PNPLA7: variants seen among roughly 807,000 people sequenced by gnomAD.
PNPLA7 encodes patatin like domain 7, lysophospholipase.
Under a neutral mutation model 161.7 loss-of-function variants are expected in PNPLA7, and 153 were observed. The ratio of observed to expected loss-of-function variants is 0.95; its 90% CI spans 0.83 to 1.08. PNPLA7 has a LOEUF of 1.08. Among genes scored for constraint, PNPLA7 ranks in the 50% least tolerant of loss-of-function variants. PNPLA7 has a pLI of 0.00. For synonymous variants in PNPLA7, 809 were observed against 782.1 expected (o/e 1.03, Z -0.57); for missense variants, 1,739 against 1,856.6 (o/e 0.94, Z 1.16).
chr9:137,464,553 G>A (rs1158483402), intron 26 of PNPLA7, 97 bp from the exon 27 acceptor site: 12 of 1,137,846 alleles, frequency 1.1e-5, no homozygotes, highest in African/African-American at 4.6e-5. Flanking sequence ...TGAATGGAAC[G>A]GGGGTCCAGA....
At position 137,538,243 on chromosome 9, in the gene PNPLA7, G is replaced by A. The variant is rs1266171689; in HGVS notation, c.747+2399C>T. On this transcript the variant is annotated intron_variant, in intron 8 of 34. Coordinates refer to ENST00000406427, the MANE Select transcript of PNPLA7 (RefSeq NM_001098537.3). ...CGGCAGCCTCCCCAGCACAGGCCAC[G>A]CGTCACGTGAAGATACACAAGTCCC... Among the ~76,000 whole-genome samples the A allele has an allele frequency of 2.0e-5, 3 of 152,286 alleles. No individual in the cohort carries two copies. In the East Asian group the frequency reaches 5.8e-4, roughly 29 times the overall value.
intron 14 of PNPLA7, among the ~76,000 whole-genome samples, chr9:137,502,777 G>A (rs1049060073): frequency 2.1e-5 from 3 of 141,364 alleles, no homozygotes; most frequent in Non-Finnish European, 4.6e-5. Flanking sequence ...CATGGACGAG[G>A]CCGCTGGACA....
At position 137,464,124 on chromosome 9, in the gene PNPLA7, A is replaced by G. The variant is rs1299921441; in HGVS notation, c.3226+2T>C. On this transcript the variant is annotated splice_donor_variant, in intron 28 of 34. Coordinates refer to ENST00000406427, the MANE Select transcript of PNPLA7 (RefSeq NM_001098537.3). LOFTEE classifies it high-confidence loss of function. ...GCCGCCCTGCGCAGCAGGAGTGCTC[A>G]CCGTCGGTGTGGACCCGCATGGCCG... The G allele has an allele frequency of 6.2e-7, 1 of 1,613,100 alleles. No individual in the cohort carries two copies. The highest frequency in any genetic ancestry group is 2.2e-5 in the East Asian group (1 of 44,844).
At chr9:137,548,802 C>A (rs543513599) in intron 1 of PNPLA7, among the ~76,000 whole-genome samples, 1 of 152,316 alleles carries the variant, frequency 6.6e-6, no homozygotes, top group African/African-American at 2.4e-5. Flanking sequence ...CATTTAAAGA[C>A]ACAATTCTGC....
At chr9:137,471,075 T>G (rs1211778891) in intron 25 of PNPLA7, among the ~76,000 whole-genome samples, 3 of 152,192 alleles carry the variant, frequency 2.0e-5, no homozygotes, top group African/African-American at 7.2e-5. Context: ...ACCAGCACAG[T>G]AAGGCAAGAA....
rs1269051624 is a variant in PNPLA7, at chr9:137,467,274, C to T, written c.3039+43G>A. ...CAGCGTCCCCCAGCACCAGCAAGGA[C>T]CTGGGGGCTGTGCTCCGGTGAGGGT... is the stretch of plus-strand genomic sequence containing the variant. On this transcript the variant is annotated intron_variant, in intron 26 of 34. Coordinates refer to ENST00000406427, the MANE Select transcript of PNPLA7 (RefSeq NM_001098537.3). This position sits in a 1 kb window ranked among gnomAD's most constrained non-coding sequence, Gnocchi z 5.1. The T allele has an allele frequency of 6.3e-7, 1 of 1,576,946 alleles. No homozygotes were observed. Among genetic ancestry groups the T allele is most frequent in the Non-Finnish European group, 8.6e-7 (1 of 1,160,208 alleles).
At chr9:137,464,051 C>G (rs1831346280) in intron 28 of PNPLA7, 75 bp downstream of exon 28, 1 of 1,519,988 alleles carries the variant, frequency 6.6e-7, no homozygotes, top group Non-Finnish European at 9.0e-7. Context: ...CCTTCCCAAC[C>G]CCTGGGGCTG....
chr9:137,522,675 C>G, intron 9 of PNPLA7, 54 bp downstream of exon 9: 2 of 1,589,776 alleles, frequency 1.3e-6, no homozygotes, highest in South Asian at 1.1e-5. Flanking sequence ...AGTGCCCAGG[C>G]CCCCCCAGGG....
At chr9:137,545,865 C>T (rs1250230085) in intron 4 of PNPLA7, among the ~76,000 whole-genome samples, 1 of 152,162 alleles carries the variant, frequency 6.6e-6, no homozygotes, top group Non-Finnish European at 1.5e-5. Context: ...GCCAAGCGGA[C>T]CGTGATCTAG....
chr9:137,502,928 T>G (rs1833572110), intron 14 of PNPLA7, among the ~76,000 whole-genome samples: 1 of 151,630 alleles, frequency 6.6e-6, no homozygotes, highest in African/African-American at 2.4e-5. Flanking sequence ...GGGATTTGCT[T>G]CAAGGGGGGG....
intron 11 of PNPLA7, among the ~76,000 whole-genome samples, chr9:137,517,961 A>C (rs1364401713): frequency 2.0e-5 from 1 of 50,960 alleles, no homozygotes; most frequent in Non-Finnish European, 3.7e-5. Flanking sequence ...CACTCACTCC[A>C]CTCTGCTCAC....
chr9:137,506,457 G>A (rs986776243), intron 12 of PNPLA7, among the ~76,000 whole-genome samples: 1 of 152,154 alleles, frequency 6.6e-6, no homozygotes, highest in East Asian at 1.9e-4. Context: ...CCTGGGTAGA[G>A]CACCCTTTCT....
Position 137,521,736 on chromosome 9 carries a change from G to A in PNPLA7, c.877-20C>T. 1 of 1,604,550 alleles carries A rather than the reference G, an allele frequency of 6.2e-7. No individual in the cohort carries two copies. Among genetic ancestry groups the A allele is most frequent in the Middle Eastern group, 1.7e-4 (1 of 6,030 alleles). ...GATGATCTGCAAGAACACGCCAGCT[G>A]CGCGGTGACCACCGGCCTGGGGTAC... On this transcript the variant is annotated intron_variant, in intron 9 of 34. Coordinates refer to ENST00000406427, the MANE Select transcript of PNPLA7 (RefSeq NM_001098537.3).
rs374175666 is a variant in PNPLA7 at position 137,501,688 on chromosome 9, C to T, written c.1513G>A (p.Val505Ile). 408 of 1,612,616 alleles carry T rather than the reference C, an allele frequency of 2.5e-4. 1 individual carries two copies. The highest frequency in any genetic ancestry group is 1.3e-3 in the Middle Eastern group (8 of 6,060). The change falls in exon 15 of 35, where the codon GTT becomes ATT. Residue 505 changes from valine (V) to isoleucine (I), a missense_variant. Around this residue, in one of 6 missense-constraint regions of PNPLA7, gnomAD observed 481 missense variants for 450.0 expected, o/e 1.07. Transcript: ENST00000406427. Reference protein sequence around the residue: ...LLDGRVALLHVPAGTVVSRQG... With the variant: ...LLDGRVALLHIPAGTVVSRQG... ...CTTGACACCACCGTGCCTGCAGGAA[C>T]GTGCAGAAGCGCCACCCGGCCATCC...
chr9:137,545,906 G>C (rs1218758942), intron 4 of PNPLA7, among the ~76,000 whole-genome samples: 1 of 152,100 alleles, frequency 6.6e-6, no homozygotes, highest in Non-Finnish European at 1.5e-5. Flanking sequence ...AAAAACACCT[G>C]CTACTTAGCA....
rs1835161728 is a variant in PNPLA7, at chr9:137,523,803, T to C, written c.748-946A>G. 6.6e-6 allele frequency among the ~76,000 whole-genome samples: 1 copy of C among 152,028 alleles called. No individual in the cohort carries two copies. The highest frequency in any genetic ancestry group is 2.4e-5 in the African/African-American group (1 of 41,388). ...CACCACGCCCGGCTAATTTGTTTTTTGAATTTTTAGTAGAGACAGGGTTTC... is the reference window on the plus strand; with the variant it reads ...CACCACGCCCGGCTAATTTGTTTTTCGAATTTTTAGTAGAGACAGGGTTTC... On this transcript the variant is annotated intron_variant, in intron 8 of 34. Transcript: ENST00000406427. The surrounding 1 kb of genome is among the most constrained non-coding windows in gnomAD (Gnocchi z 4.4).
rs574131708 is a variant in PNPLA7 at position 137,495,122 on chromosome 9, G to A, written c.2038C>T (p.Arg680Trp). 4.1e-5 allele frequency: 66 copies of A among 1,604,572 alleles called. No individual in the cohort carries two copies. Among genetic ancestry groups the A allele is most frequent in the South Asian group, 3.7e-4 (34 of 90,948 alleles). ...CGAACGGCATGCACCGTGGTCGCCC[G>A]GGCCTGGTGGGTCAGTGTCTCCACC... ...GVVETLTHQA[R>W]ATTVHAVRDS... The change falls in exon 19 of 35, where the codon CGG becomes TGG. Residue 680 changes from arginine (R) to tryptophan (W), a missense_variant. Arg to Trp is a moderately radical substitution (Grantham distance 101). Coordinates refer to ENST00000406427, the MANE Select transcript of PNPLA7 (RefSeq NM_001098537.3).
At chr9:137,503,975 G>T (rs1833739617) in intron 14 of PNPLA7, among the ~76,000 whole-genome samples, 1 of 127,906 alleles carries the variant, frequency 7.8e-6, no homozygotes, top group Non-Finnish European at 1.7e-5. Flanking sequence ...GGAAGAAGAA[G>T]AAGGAAGAAG....
At chr9:137,506,451 G>T (rs1833927580) in intron 12 of PNPLA7, among the ~76,000 whole-genome samples, 1 of 152,150 alleles carries the variant, frequency 6.6e-6, no homozygotes, top group African/African-American at 2.4e-5. Context: ...GCCAACCCTG[G>T]GTAGAGCACC....
Sources: gnomAD v4.1 joint callset for allele counts (sites outside exome capture counted in the v4.1 genomes callset) on GRCh38, gnomAD v4.1.1 for gene constraint, gnomAD v4.1.1 regional missense constraint, Gnocchi (gnomAD v3.1) non-coding constraint, MANE v1.5 for transcripts, NCBI Gene and HGNC (gene_info 2026-07-23, HGNC 2026-07-21) for gene names.